The following NPTN variants were observed in gnomAD, a reference collection of about 807,000 sequenced individuals.
NPTN encodes the protein neuroplastin.
Under a neutral mutation model 42.7 loss-of-function variants are expected in NPTN, and 5 were observed. The ratio of observed to expected loss-of-function variants is 0.12; its 90% CI spans 0.06 to 0.25. The LOEUF (loss-of-function observed/expected upper bound fraction) is 0.25, where lower values mean the gene tolerates loss of function less well. NPTN is among the 10% of genes least tolerant of loss of function. The pLI, the probability that NPTN is intolerant of heterozygous loss-of-function variation, is 1.00. For synonymous variants in NPTN, 180 were observed against 201.9 expected (o/e 0.89, Z 0.92); for missense variants, 307 against 525.4 (o/e 0.58, Z 4.06).
At chr15:73,600,277 T>C (rs1331208204) in intron 1 of NPTN, among the ~76,000 whole-genome samples, 1 of 152,192 alleles carries the variant, frequency 6.6e-6, no homozygotes, top group African/African-American at 2.4e-5. Context: ...TATATTTAAA[T>C]GAACTTTTAA....
chr15:73,567,232 A>C (rs984325389), intron 6 of NPTN: 1 of 985,264 alleles, frequency 1.0e-6, no homozygotes. Context: ...GTGCATTCAT[A>C]TAAAAAAAGT....
intron 1 of NPTN, among the ~76,000 whole-genome samples, chr15:73,629,807 A>G (rs945341381): frequency 1.9e-4 from 29 of 152,144 alleles, no homozygotes; most frequent in African/African-American, 6.7e-4. Context: ...TGAGAAAGTG[A>G]TACCTGGCCC....
intron 6 of NPTN, among the ~76,000 whole-genome samples, chr15:73,564,861 T>A (rs563629613): frequency 3.5e-4 from 53 of 152,316 alleles, no homozygotes; most frequent in Non-Finnish European, 6.6e-4. Flanking sequence ...TACAAAATTC[T>A]AATGCAAGAG....
intron 1 of NPTN, among the ~76,000 whole-genome samples, chr15:73,630,140 G>A (rs940181599): frequency 6.6e-6 from 1 of 152,164 alleles, no homozygotes; most frequent in African/African-American, 2.4e-5. Context: ...AAATCTAAGC[G>A]GTCATTATCT....
intron 1 of NPTN, among the ~76,000 whole-genome samples, chr15:73,612,319 C>A (rs1897621919): frequency 6.6e-6 from 1 of 151,258 alleles, no homozygotes; most frequent in Non-Finnish European, 1.5e-5. Context: ...ACTCAAGAGG[C>A]TAAGGTGGAG....
chr15:73,610,026 T>C (rs1454878600), intron 1 of NPTN, among the ~76,000 whole-genome samples: 2 of 152,134 alleles, frequency 1.3e-5, no homozygotes, highest in Non-Finnish European at 2.9e-5. Context: ...TAATTTTGTG[T>C]CCTTAAACAA....
chr15:73,584,462 T>A (rs980741815), intron 4 of NPTN, among the ~76,000 whole-genome samples: 1 of 152,100 alleles, frequency 6.6e-6, no homozygotes, highest in South Asian at 2.1e-4. Context: ...TGAAAAATTA[T>A]AGGGGTAGAA....
At chr15:73,613,041 G>C (rs1897668231) in intron 1 of NPTN, among the ~76,000 whole-genome samples, 1 of 152,202 alleles carries the variant, frequency 6.6e-6, no homozygotes, top group African/African-American at 2.4e-5. Context: ...CACAAACTGA[G>C]AATTATGATT....
chr15:73,602,848 G>A (rs538868749), intron 1 of NPTN, among the ~76,000 whole-genome samples: 1 of 152,268 alleles, frequency 6.6e-6, no homozygotes, highest in South Asian at 2.1e-4. Flanking sequence ...ACCTTGATCA[G>A]GCAGATATGA....
intron 4 of NPTN, among the ~76,000 whole-genome samples, chr15:73,582,319 G>A (rs1418877332): frequency 6.6e-6 from 1 of 152,162 alleles, no homozygotes; most frequent in African/African-American, 2.4e-5. Flanking sequence ...TCTTTGTGGT[G>A]GACAAAATGA....
intron 4 of NPTN, among the ~76,000 whole-genome samples, chr15:73,585,506 T>G (rs1418670618): frequency 6.6e-6 from 1 of 152,238 alleles, no homozygotes. Context: ...GCAAACCTTT[T>G]AAAACTTATA....
intron 2 of NPTN, among the ~76,000 whole-genome samples, chr15:73,594,180 C>T (rs1896726068): frequency 6.6e-6 from 1 of 152,214 alleles, no homozygotes; most frequent in African/African-American, 2.4e-5. Context: ...TTCTGTCCCA[C>T]TTGGGACTCT....
intron 4 of NPTN, among the ~76,000 whole-genome samples, chr15:73,580,581 A>C (rs1895985478): frequency 8.2e-6 from 1 of 121,300 alleles, no homozygotes; most frequent in South Asian, 2.3e-4. Flanking sequence ...ATATATGTAT[A>C]TACATGTTAT....
At chr15:73,622,239 T>C (rs1245067428) in intron 1 of NPTN, among the ~76,000 whole-genome samples, 2 of 152,136 alleles carry the variant, frequency 1.3e-5, no homozygotes, top group Non-Finnish European at 2.9e-5. Flanking sequence ...TCTGACTCTC[T>C]AAATCAGGTG....
chr15:73,629,216 A>T (rs543315110), intron 1 of NPTN, among the ~76,000 whole-genome samples: 2 of 152,348 alleles, frequency 1.3e-5, no homozygotes, highest in African/African-American at 4.8e-5. Flanking sequence ...TTTAGCCAGT[A>T]GCCTGAGAGA....
chr15:73,629,014 C>G (rs1030708756), intron 1 of NPTN, among the ~76,000 whole-genome samples: 23 of 152,166 alleles, frequency 1.5e-4, no homozygotes, highest in African/African-American at 5.6e-4. Flanking sequence ...GGTTTTAAAT[C>G]TTGGTATATT....
At chr15:73,606,662 CA>C (rs1897308265) in intron 1 of NPTN, among the ~76,000 whole-genome samples, 1 of 151,844 alleles carries the variant, frequency 6.6e-6, no homozygotes, top group South Asian at 2.1e-4. Context: ...GCTTTGAGGC[CA>C]AAAACAATTT....
At chr15:73,580,212 A>C (rs1486957244) in intron 4 of NPTN, among the ~76,000 whole-genome samples, 1 of 151,380 alleles carries the variant, frequency 6.6e-6, no homozygotes, top group Non-Finnish European at 1.5e-5. Context: ...AGTCCACAAA[A>C]ATAAAAATAT....
chr15:73,561,904 C>A lies in NPTN; in HGVS notation c.*6G>T. The A allele has an allele frequency of 6.2e-7, 1 of 1,600,578 alleles. No individual in the cohort carries two copies. The highest frequency in any genetic ancestry group is 8.5e-7 in the Non-Finnish European group (1 of 1,174,728). ...CAGAAGGCCATACTTACATTGTAAG[C>A]AGTACTTAATTTGTGTTTCTCTGGC... On this transcript the variant is annotated 3_prime_UTR_variant, in exon 8 of 9. Transcript: ENST00000345330.
Sources: allele counts gnomAD v4.1 joint callset (sites outside exome capture counted in the v4.1 genomes callset), GRCh38; gene constraint gnomAD v4.1.1; transcripts MANE v1.5; gene names NCBI Gene and HGNC (gene_info 2026-07-23, HGNC 2026-07-21).